The following GALNT14 variants were observed in gnomAD, a reference collection of about 807,000 sequenced individuals.
GALNT14 encodes UDP-GalNAc:polypeptide N-acetylgalactosaminyltransferase 14.
GALNT14 carries 60 observed loss-of-function variants against 77.5 expected under a neutral mutation model. The ratio of observed to expected loss-of-function variants is 0.77; its 90% CI spans 0.63 to 0.96. GALNT14 has a LOEUF of 0.96. Among genes scored for constraint, GALNT14 ranks in the 40% least tolerant of loss-of-function variants. GALNT14 has a pLI of 0.00. For synonymous variants in GALNT14, 280 were observed against 281.7 expected (o/e 0.99, Z 0.06); for missense variants, 710 against 731.0 (o/e 0.97, Z 0.33).
chr2:31,103,514 A>C (rs548542583), intron 1 of GALNT14, among the ~76,000 whole-genome samples: 117 of 87,430 alleles, frequency 1.3e-3, no homozygotes, highest in African/African-American at 4.8e-3. Context: ...CACACATTAC[A>C]TAGCCCCTAG....
At chr2:30,990,890 C>T (rs1344554223) in intron 2 of GALNT14, among the ~76,000 whole-genome samples, 1 of 152,192 alleles carries the variant, frequency 6.6e-6, no homozygotes, top group African/African-American at 2.4e-5. Flanking sequence ...TGTCTAAATC[C>T]TCTCTTCCCT....
At chr2:30,911,715 A>G (rs949002776) in intron 14 of GALNT14, among the ~76,000 whole-genome samples, 4 of 152,196 alleles carry the variant, frequency 2.6e-5, no homozygotes, top group Non-Finnish European at 2.9e-5. Flanking sequence ...CAGCCTGTAA[A>G]CCATAAAACA....
intron 13 of GALNT14, among the ~76,000 whole-genome samples, chr2:30,923,346 G>T (rs759634536): frequency 6.6e-6 from 1 of 152,166 alleles, no homozygotes; most frequent in Non-Finnish European, 1.5e-5. Flanking sequence ...TTACAGGCGT[G>T]AGCCACCGTA....
At chr2:30,929,883 A>C (rs1187680464) in intron 10 of GALNT14, among the ~76,000 whole-genome samples, 1 of 152,170 alleles carries the variant, frequency 6.6e-6, no homozygotes, top group Non-Finnish European at 1.5e-5. Context: ...ACATAGCCTG[A>C]AGGTAATGAT....
chr2:30,995,296 T>G (rs1156376771), intron 1 of GALNT14, among the ~76,000 whole-genome samples: 3 of 152,106 alleles, frequency 2.0e-5, no homozygotes, highest in Non-Finnish European at 4.4e-5. Context: ...CCTTTTCTGT[T>G]TTGATATGTT....
At chr2:31,074,321 A>T (rs1675614545) in intron 1 of GALNT14, among the ~76,000 whole-genome samples, 1 of 152,114 alleles carries the variant, frequency 6.6e-6, no homozygotes, top group Admixed American at 6.5e-5. Flanking sequence ...GGAGCTAACA[A>T]AGGGCAGCTG....
intron 1 of GALNT14, among the ~76,000 whole-genome samples, chr2:31,115,411 A>G (rs907299131): frequency 6.6e-6 from 1 of 152,208 alleles, no homozygotes; most frequent in Non-Finnish European, 1.5e-5. Context: ...TCTCAAGAAG[A>G]TATTCTGATC....
At position 30,993,098 on chromosome 2, in the gene GALNT14, G is replaced by A; in HGVS notation, c.130-91C>T. On this transcript the variant is annotated intron_variant, in intron 1 of 14. Coordinates refer to ENST00000349752, the MANE Select transcript of GALNT14 (RefSeq NM_024572.4). ...ATCAGTACCCAACCCCAGAGACCAG[G>A]CTTATTCTGGCAAGGTTTGGCTCAA... 4.4e-6 allele frequency: 6 copies of A among 1,354,026 alleles called. No homozygotes were observed. In the South Asian group the frequency reaches 8.1e-5, roughly 18 times the overall value. The allele number at this position is 1,354,026 out of a possible 1,614,324, so 83.9% of individuals were successfully genotyped here.
At chr2:30,952,640 C>T (rs1254175381) in intron 6 of GALNT14, among the ~76,000 whole-genome samples, 17 of 144,576 alleles carry the variant, frequency 1.2e-4, no homozygotes, top group East Asian at 6.2e-4. Flanking sequence ...GGGATAGCAT[C>T]GGGAGATATA....
rs78041184 is a variant in GALNT14 at position 31,005,123 on chromosome 2, G to A, written c.130-12116C>T. The stretch of plus-strand genomic sequence containing the variant: ...GAATACAAGGAAAAGGGTAAAGAAC[G>A]GAAAAGAAGGGAAGAATCAAACAAT... On this transcript the variant is annotated intron_variant, in intron 1 of 14. Coordinates refer to ENST00000349752, the MANE Select transcript of GALNT14 (RefSeq NM_024572.4). Among the ~76,000 whole-genome samples, 50 of 152,292 alleles carry A rather than the reference G, an allele frequency of 3.3e-4. No homozygotes were observed. In the East Asian group the frequency reaches 3.9e-3, roughly 12 times the overall value.
At chr2:31,082,493 A>G (rs1483666963) in intron 1 of GALNT14, among the ~76,000 whole-genome samples, 1 of 152,236 alleles carries the variant, frequency 6.6e-6, no homozygotes, top group East Asian at 1.9e-4. Flanking sequence ...GCCAGTTTCT[A>G]GAACCAAAGG....
intron 1 of GALNT14, among the ~76,000 whole-genome samples, chr2:31,005,348 G>A (rs6760219): frequency 0.029 from 4,347 of 152,146 alleles, 89 homozygotes; most frequent in Non-Finnish European, 0.048. Flanking sequence ...CAGAAAGCTG[G>A]GTCCTGAGCT....
At chr2:30,919,563 G>A (rs547473343) in intron 13 of GALNT14, among the ~76,000 whole-genome samples, 45 of 152,332 alleles carry the variant, frequency 3.0e-4, no homozygotes, top group African/African-American at 1.1e-3. Flanking sequence ...AGAGTCTCCA[G>A]GGCAAAAGGA....
chr2:30,928,261 C>A (rs1209350274), intron 11 of GALNT14, among the ~76,000 whole-genome samples: 3 of 152,210 alleles, frequency 2.0e-5, no homozygotes, highest in Admixed American at 6.5e-5. Context: ...CTGCAAAAAA[C>A]CCATCTGCTC....
At chr2:30,889,103 C>G in the GALNT14 span, among the ~76,000 whole-genome samples, 2 of 152,104 alleles carry the variant, frequency 1.3e-5, no homozygotes. Flanking sequence ...TTCAGAGTTG[C>G]AGATGATTCA....
chr2:30,958,484 A>G lies in GALNT14; in HGVS notation c.399-20T>C, dbSNP rs938809258. ...AATACACTGCAAGATGGAAACAGAA[A>G]AAAATCACTGGAACTTCTAGTGGCA... On this transcript the variant is annotated intron_variant, in intron 3 of 14. Transcript: ENST00000349752. The G allele has an allele frequency of 6.2e-7, 1 of 1,609,480 alleles. No homozygotes were observed. The highest frequency in any genetic ancestry group is 1.7e-5 in the Admixed American group (1 of 59,952).
At chr2:30,895,866 A>T in the GALNT14 span, among the ~76,000 whole-genome samples, 2 of 152,194 alleles carry the variant, frequency 1.3e-5, no homozygotes, top group East Asian at 1.9e-4. Context: ...ACTTTCTGGC[A>T]TAGTACCTGT....
chr2:31,115,869 T>A (rs1410221013), intron 1 of GALNT14, among the ~76,000 whole-genome samples: 1 of 152,106 alleles, frequency 6.6e-6, no homozygotes, highest in African/African-American at 2.4e-5. Context: ...ATAAAAAAAA[T>A]TAATTAGCTG....
chr2:31,051,971 G>T (rs577466962), intron 1 of GALNT14, among the ~76,000 whole-genome samples: 62 of 152,074 alleles, frequency 4.1e-4, no homozygotes, highest in Non-Finnish European at 6.5e-4. Context: ...TCAACTTCCT[G>T]CCCAGTTGTG....
Sources: allele counts gnomAD v4.1 joint callset (sites outside exome capture counted in the v4.1 genomes callset), GRCh38; gene constraint gnomAD v4.1.1; transcripts MANE v1.5; gene names NCBI Gene and HGNC (gene_info 2026-07-23, HGNC 2026-07-21).